Variants in ODF2 observed in about 807,000 individuals in gnomAD.
The protein encoded by ODF2 is outer dense fiber protein 2.
In ODF2, 47 loss-of-function variants were observed where a neutral mutation model predicts 110.2. The observed-to-expected ratio is 0.43, with a 90% CI of 0.34 to 0.54. The LOEUF (loss-of-function observed/expected upper bound fraction) is 0.54, where lower values mean the gene tolerates loss of function less well. ODF2 is among the 20% of genes least tolerant of loss of function. ODF2 has a pLI of 0.03. For missense variants in ODF2, 812 were observed against 1,054.5 expected (o/e 0.77, Z 3.19); for synonymous variants, 352 against 397.7 (o/e 0.89, Z 1.37).
intron 1 of ODF2, chr9:128,457,116 C>T: frequency 1.4e-6 from 2 of 1,415,554 alleles, no homozygotes; most frequent in Middle Eastern, 1.9e-4. Flanking sequence ...TCCTTTCCCT[C>T]GCGGTTCTGC....
exon 7 of ODF2, chr9:128,472,979 G>T (rs758883427): frequency 6.2e-7 from 1 of 1,614,132 alleles, no homozygotes; most frequent in Non-Finnish European, 8.5e-7. Flanking sequence ...AGGCGGAAAT[G>T]GATGGGGCTG....
intron 2 of ODF2, among the ~76,000 whole-genome samples, chr9:128,458,591 T>C (rs1236635551): frequency 8.6e-5 from 13 of 151,808 alleles, no homozygotes; most frequent in Non-Finnish European, 1.9e-4. Context: ...CTCTCTTTTT[T>C]TTTTTTTTAT....
intron 13 of ODF2, among the ~76,000 whole-genome samples, chr9:128,486,274 AACTC>A: frequency 6.6e-6 from 1 of 152,250 alleles, no homozygotes; most frequent in East Asian, 1.9e-4. Flanking sequence ...ATGTTCTGAG[AACTC>A]ACTATGTGCC....
intron 18 of ODF2, chr9:128,496,437 T>C (rs1319864463): frequency 1.1e-6 from 1 of 929,422 alleles, no homozygotes; most frequent in Non-Finnish European, 1.5e-6. Flanking sequence ...AGGGCCCAGT[T>C]TGAATGGAGC....
At chr9:128,456,803 G>T (rs989033464) in intron 1 of ODF2, 80 of 1,261,226 alleles carry the variant, frequency 6.3e-5, no homozygotes, top group Non-Finnish European at 7.9e-5. Context: ...CGTCTATCCT[G>T]CTCAGAACTC....
At chr9:128,459,110 G>A (rs1835736170) in intron 2 of ODF2, among the ~76,000 whole-genome samples, 1 of 152,192 alleles carries the variant, frequency 6.6e-6, no homozygotes, top group South Asian at 2.1e-4. Context: ...CTCCAAAAGT[G>A]CTGGGATTAC....
At chr9:128,495,066 G>C (rs1276153656) in intron 17 of ODF2, among the ~76,000 whole-genome samples, 1 of 152,192 alleles carries the variant, frequency 6.6e-6, no homozygotes, top group Non-Finnish European at 1.5e-5. Flanking sequence ...CAGATGCACT[G>C]CCTGAGATTC....
Position 128,473,747 on chromosome 9 carries a change from C to T in ODF2, c.843+6C>T, listed in dbSNP as rs749468777. 1.2e-6 allele frequency: 2 copies of T among 1,612,632 alleles called. No homozygotes were observed. The highest frequency in any genetic ancestry group is 2.2e-5 in the South Asian group (2 of 91,006). ...GGGAACAGCACTGCAAAGAGGTGAG[C>T]TTGGGGCCTGGCTCTTTCCCTCCAG... On this transcript the variant is annotated splice_donor_region_variant and intron_variant, in intron 8 of 20. Transcript: ENST00000604420.
intron 4 of ODF2, among the ~76,000 whole-genome samples, chr9:128,462,017 G>C (rs1367805301): frequency 6.6e-6 from 1 of 151,960 alleles, no homozygotes; most frequent in Non-Finnish European, 1.5e-5. Flanking sequence ...CTAATAATCA[G>C]TGAAATGTAA....
exon 21 of ODF2, chr9:128,500,247 C>T (rs759518057): frequency 1.2e-6 from 2 of 1,614,178 alleles, no homozygotes; most frequent in Admixed American, 3.3e-5. Context: ...CCGATCTCCT[C>T]CTGCCTGAGG....
intron 8 of ODF2, among the ~76,000 whole-genome samples, chr9:128,477,954 T>C (rs1190673835): frequency 3.9e-5 from 6 of 152,054 alleles, no homozygotes; most frequent in African/African-American, 1.4e-4. Context: ...CTTTTGTGTG[T>C]CATTTTGCAA....
Position 128,456,585 on chromosome 9 carries a change from C to T in ODF2, c.-209+330C>T, listed in dbSNP as rs1414440686. ...TACCCTCCTGCCTGCTGGTGGGTGG[C>T]CGTCCCTTCTCTCCGCCGACAGAGG... On this transcript the variant is annotated intron_variant, in intron 1 of 20. Transcript: ENST00000604420. The T allele has an allele frequency of 3.9e-6, 6 of 1,523,052 alleles. No homozygotes were observed. The East Asian group carries it at 1.3e-4, about 33-fold the overall frequency. 94.3% of individuals were successfully genotyped at this position (1,523,052 alleles called of 1,614,324 possible). A position where few individuals can be genotyped will look rare whatever the true frequency, so the allele number is the denominator to read the frequency against.
At chr9:128,480,732 G>A (rs942978340) in intron 8 of ODF2, among the ~76,000 whole-genome samples, 1 of 152,102 alleles carries the variant, frequency 6.6e-6, no homozygotes, top group Admixed American at 6.6e-5. Context: ...CAGGAGAATC[G>A]CTTGAACCTG....
intron 8 of ODF2, among the ~76,000 whole-genome samples, chr9:128,478,268 A>T (rs1174421647): frequency 6.6e-6 from 1 of 152,050 alleles, no homozygotes; most frequent in East Asian, 1.9e-4. Context: ...AAATTGTTGC[A>T]CTCCAGCCTG....
exon 21 of ODF2, chr9:128,500,341 C>T: frequency 7.2e-7 from 1 of 1,386,472 alleles, no homozygotes; most frequent in Non-Finnish European, 1.0e-6. Flanking sequence ...TGGTGGTTTT[C>T]CTCTCCCAGT....
chr9:128,457,276 C>T lies in ODF2; in HGVS notation c.-130C>T, dbSNP rs1010515449. 3 of 1,602,568 alleles carry T rather than the reference C, an allele frequency of 1.9e-6. No individual in the cohort carries two copies. In the African/African-American group the frequency reaches 4.0e-5, roughly 21 times the overall value. On this transcript the variant is annotated 5_prime_UTR_variant, in exon 2 of 21. Transcript: ENST00000604420. ...AACTGCCAACCCCAAAGCTTCCACC[C>T]TTCTCCCCTCAGAGAGGACGTTTGA...
chr9:128,497,447 ATATATATATATATAT>A (rs1466038468), intron 18 of ODF2: 1 of 37,872 alleles, frequency 2.6e-5, no homozygotes, highest in Non-Finnish European at 4.0e-5. Context: ...AAAAAAAAAA[ATATATATATATATAT>A]ATATATATAT....
At chr9:128,462,347 C>T (rs1836702963) in intron 4 of ODF2, among the ~76,000 whole-genome samples, 1 of 151,986 alleles carries the variant, frequency 6.6e-6, no homozygotes, top group South Asian at 2.1e-4. Context: ...TAGGGTTTGT[C>T]CATGTTGGTC....
At chr9:128,489,315 T>G (rs994494645) in intron 14 of ODF2, among the ~76,000 whole-genome samples, 1 of 152,224 alleles carries the variant, frequency 6.6e-6, no homozygotes, top group Non-Finnish European at 1.5e-5. Context: ...GAATAACATA[T>G]GGAAAAGTAC....
Sources: gnomAD v4.1 joint callset for allele counts (sites outside exome capture counted in the v4.1 genomes callset) on GRCh38, gnomAD v4.1.1 for gene constraint, MANE v1.5 for transcripts, NCBI Gene and HGNC (gene_info 2026-07-23, HGNC 2026-07-21) for gene names.